Variants in NCALD observed in about 807,000 individuals in gnomAD.
NCALD encodes the protein neurocalcin delta, also known as neurocalcin-delta.
Under a neutral mutation model 18.6 loss-of-function variants are expected in NCALD, and 10 were observed. The ratio of observed to expected loss-of-function variants is 0.54; its 90% confidence interval spans 0.33 to 0.91. The LOEUF is 0.91. Ranked by LOEUF, NCALD falls within the 40% of genes least tolerant of loss-of-function variation. The pLI is 0.03. For synonymous variants in NCALD, 88 were observed against 87.4 expected (o/e 1.01, Z -0.04); for missense variants, 184 against 247.6 (o/e 0.74, Z 1.72).
intron 1 of NCALD, among the ~76,000 whole-genome samples, chr8:101,723,328 G>C (rs949776639): frequency 6.6e-6 from 1 of 151,942 alleles, no homozygotes; most frequent in Non-Finnish European, 1.5e-5. Context: ...AGGTATCAGA[G>C]ACTTATTGCT....
At chr8:101,838,088 AGT>A (rs1249769943) in intron 4 of NCALD, among the ~76,000 whole-genome samples, 1 of 152,238 alleles carries the variant, frequency 6.6e-6, no homozygotes, top group Admixed American at 6.5e-5. Flanking sequence ...TTATTAATAC[AGT>A]GTATTAATAT....
At chr8:102,058,447 G>A (rs1417645331) in intron 1 of NCALD, among the ~76,000 whole-genome samples, 1 of 152,134 alleles carries the variant, frequency 6.6e-6, no homozygotes, top group Non-Finnish European at 1.5e-5. Flanking sequence ...GTCCCTGTGG[G>A]CACCATTCAT....
chr8:101,901,792 T>TTC (rs1817434137), intron 3 of NCALD, among the ~76,000 whole-genome samples: 2 of 150,558 alleles, frequency 1.3e-5, no homozygotes, highest in African/African-American at 2.5e-5. Flanking sequence ...ATTACTCTTT[T>TTC]CTCTTCTTTT....
intron 4 of NCALD, among the ~76,000 whole-genome samples, chr8:101,843,126 A>G (rs1251662428): frequency 6.6e-6 from 1 of 152,190 alleles, no homozygotes; most frequent in Non-Finnish European, 1.5e-5. Context: ...TTGCCTCTAG[A>G]TAAGGAGTTA....
intron 1 of NCALD, among the ~76,000 whole-genome samples, chr8:102,104,704 C>A (rs567074658): frequency 2.5e-4 from 38 of 152,276 alleles, no homozygotes; most frequent in African/African-American, 9.1e-4. Flanking sequence ...AGTATCCCTT[C>A]CCATTTCTTG....
chr8:101,871,407 T>C (rs1234723699), intron 4 of NCALD, among the ~76,000 whole-genome samples: 3 of 152,108 alleles, frequency 2.0e-5, no homozygotes, highest in African/African-American at 7.2e-5. Flanking sequence ...CTCCTCCTAA[T>C]CAAAATTCTA....
chr8:101,741,762 A>AC (rs1310080055), intron 1 of NCALD, among the ~76,000 whole-genome samples: 2 of 53,688 alleles, frequency 3.7e-5, no homozygotes, highest in African/African-American at 1.7e-4. Flanking sequence ...CCTCATCTCT[A>AC]CAAAAAAAAA....
intron 1 of NCALD, among the ~76,000 whole-genome samples, chr8:102,065,851 GCACATTTCCATAC>G (rs995717049): frequency 6.6e-6 from 1 of 152,116 alleles, no homozygotes; most frequent in African/African-American, 2.4e-5. Flanking sequence ...TAAAATTCTT[GCACATTTCCATAC>G]CACATTTCCA....
chr8:101,856,250 C>A (rs1318111990), intron 4 of NCALD, among the ~76,000 whole-genome samples: 2 of 152,176 alleles, frequency 1.3e-5, no homozygotes, highest in Admixed American at 6.5e-5. Flanking sequence ...TGACTCACTG[C>A]AACCTCCACC....
chr8:102,066,370 T>C (rs1587007790), intron 1 of NCALD, among the ~76,000 whole-genome samples: 1 of 152,222 alleles, frequency 6.6e-6, no homozygotes, highest in African/African-American at 2.4e-5. Context: ...AAGGTTTGTA[T>C]CTCTAATACC....
At chr8:102,101,055 T>G (rs567872235) in intron 1 of NCALD, among the ~76,000 whole-genome samples, 18 of 152,360 alleles carry the variant, frequency 1.2e-4, no homozygotes, top group African/African-American at 4.1e-4. Flanking sequence ...TGGTAAAGTT[T>G]ATGTTTTGCA....
rs147247897 is a variant in NCALD at position 101,739,856 on chromosome 8, G to A, written c.-19-20208C>T. 1.7e-3 allele frequency among the ~76,000 whole-genome samples: 257 copies of A among 152,196 alleles called. 4 individuals are homozygous for A. The highest frequency in any genetic ancestry group is 9.7e-4 in the East Asian group (5 of 5,176). On this transcript the variant is annotated intron_variant, in intron 1 of 3. Coordinates refer to ENST00000220931, the MANE Select transcript of NCALD (RefSeq NM_032041.3). ...ACTTCACCTTGTGATTGTGTGAGTCGATTCTCCTAATAAACTCCCCTTCAT... is the reference window on the plus strand; with the variant it reads ...ACTTCACCTTGTGATTGTGTGAGTCAATTCTCCTAATAAACTCCCCTTCAT...
At chr8:101,704,743 C>T (rs1044377882) in intron 2 of NCALD, among the ~76,000 whole-genome samples, 1 of 150,812 alleles carries the variant, frequency 6.6e-6, no homozygotes, top group African/African-American at 2.4e-5. Flanking sequence ...CATGGTGAAA[C>T]CCCATGTCTA....
chr8:101,894,398 C>T (rs1327414776), intron 3 of NCALD, among the ~76,000 whole-genome samples: 2 of 131,288 alleles, frequency 1.5e-5, no homozygotes, highest in African/African-American at 6.7e-5. Flanking sequence ...TAAATGCCCA[C>T]AAGAGAAAGC....
intron 2 of NCALD, among the ~76,000 whole-genome samples, chr8:102,005,426 G>A (rs1459243842): frequency 6.6e-6 from 1 of 152,174 alleles, no homozygotes; most frequent in Non-Finnish European, 1.5e-5. Context: ...TACACTGTTG[G>A]TGGGACTGTA....
chr8:101,807,464 A>G (rs1813147040), intron 4 of NCALD, among the ~76,000 whole-genome samples: 1 of 152,188 alleles, frequency 6.6e-6, no homozygotes. Flanking sequence ...ATAAACAGAG[A>G]ACCAGAAAAG....
At chr8:101,871,893 T>C (rs1015671459) in intron 4 of NCALD, 19 of 676,862 alleles carry the variant, frequency 2.8e-5, no homozygotes, top group Non-Finnish European at 4.3e-5. Flanking sequence ...AAGACAGCAA[T>C]ACACCTTCAA....
intron 4 of NCALD, chr8:101,872,502 C>A: frequency 1.3e-6 from 1 of 762,900 alleles, no homozygotes; most frequent in South Asian, 1.4e-5. Context: ...AGATGCCCTT[C>A]TTGTCTAAGA....
chr8:101,727,583 G>C (rs745951797), intron 1 of NCALD, among the ~76,000 whole-genome samples: 1 of 152,168 alleles, frequency 6.6e-6, no homozygotes, highest in African/African-American at 2.4e-5. Flanking sequence ...CTGGATCAAG[G>C]AATTCTCCTG....
Sources: gnomAD v4.1 joint callset for allele counts (sites outside exome capture counted in the v4.1 genomes callset) on GRCh38, gnomAD v4.1.1 for gene constraint, MANE v1.5 for transcripts, NCBI Gene and HGNC (gene_info 2026-07-23, HGNC 2026-07-21) for gene names.